NTAQ1: variants seen among roughly 807,000 people sequenced by gnomAD.
NTAQ1 encodes N-terminal glutamine amidase 1, also known as protein N-terminal glutamine amidohydrolase.
A neutral mutation model predicts 28.2 loss-of-function variants in NTAQ1; 21 were observed. That is an observed-to-expected ratio of 0.74 (90% confidence interval 0.53 to 1.07). NTAQ1 has a LOEUF of 1.07. NTAQ1 is among the 50% of genes least tolerant of loss of function. The probability of loss-of-function intolerance (pLI) is 0.00; values close to 1 mark genes in which losing one functional copy is unlikely to be tolerated. For synonymous variants in NTAQ1, 105 were observed against 90.0 expected (o/e 1.17, Z -0.94); for missense variants, 264 against 256.6 (o/e 1.03, Z -0.20).
chr8:123,417,532 G>C (rs942968653), intron 1 of NTAQ1, among the ~76,000 whole-genome samples: 1 of 152,120 alleles, frequency 6.6e-6, no homozygotes, highest in African/African-American at 2.4e-5. Context: ...TTTACAGTCA[G>C]GGTCTGGCCC....
At chr8:123,460,103 T>G (rs929875263) in intron 6 of NTAQ1, among the ~76,000 whole-genome samples, 3 of 152,110 alleles carry the variant, frequency 2.0e-5, no homozygotes, top group African/African-American at 7.2e-5. Context: ...CCCAGCCCAA[T>G]GTACGTGATT....
chr8:123,445,498 C>T (rs1028244111), downstream of NTAQ1, among the ~76,000 whole-genome samples: 5 of 150,016 alleles, frequency 3.3e-5, no homozygotes, highest in Middle Eastern at 6.8e-3. Context: ...TTTAACAGTC[C>T]TTTATAAGTT....
At chr8:123,447,332 A>G (rs1815328474) in intron 6 of NTAQ1, among the ~76,000 whole-genome samples, 1 of 143,364 alleles carries the variant, frequency 7.0e-6, no homozygotes, top group South Asian at 2.3e-4. Context: ...TATAATTAAT[A>G]TATGAACGTG....
At chr8:123,471,046 A>G (rs1816036257), downstream of NTAQ1, among the ~76,000 whole-genome samples, 1 of 151,302 alleles carries the variant, frequency 6.6e-6, no homozygotes, top group Non-Finnish European at 1.5e-5. Flanking sequence ...TCAGCCTCCC[A>G]AGTAGCTGGG....
chr8:123,429,719 AAAAAT>A (rs1814277327), intron 2 of NTAQ1, among the ~76,000 whole-genome samples: 1 of 152,036 alleles, frequency 6.6e-6, no homozygotes, highest in African/African-American at 2.4e-5. Flanking sequence ...ATCAAAAAAT[AAAAAT>A]AAAAAATTAG....
intron 1 of NTAQ1, among the ~76,000 whole-genome samples, chr8:123,419,116 T>A (rs1234196508): frequency 2.4e-5 from 2 of 82,616 alleles, no homozygotes; most frequent in African/African-American, 4.6e-5. Context: ...TTTTTTTTTT[T>A]GAGACAGAGT....
chr8:123,438,088 G>A (rs886240460), intron 5 of NTAQ1: 11 of 687,046 alleles, frequency 1.6e-5, no homozygotes, highest in Middle Eastern at 2.3e-4. Flanking sequence ...GGAGGTGAGC[G>A]CTAGCAGGTT....
At chr8:123,421,321 C>G (rs1813676781) in intron 1 of NTAQ1, among the ~76,000 whole-genome samples, 1 of 152,034 alleles carries the variant, frequency 6.6e-6, no homozygotes, top group African/African-American at 2.4e-5. Context: ...CTCAAGCAGT[C>G]TTCCTGCCTT....
At chr8:123,456,953 A>G (rs1815666614) in intron 6 of NTAQ1, among the ~76,000 whole-genome samples, 1 of 152,220 alleles carries the variant, frequency 6.6e-6, no homozygotes, top group African/African-American at 2.4e-5. Context: ...CTGTGGGCAT[A>G]ACAACAGGAA....
At chr8:123,470,670 A>G (rs928250288), downstream of NTAQ1, among the ~76,000 whole-genome samples, 3 of 152,188 alleles carry the variant, frequency 2.0e-5, no homozygotes, top group Non-Finnish European at 2.9e-5. Flanking sequence ...TGCTTTTTAA[A>G]CACCCAGTTG....
At chr8:123,450,288 C>T (rs540153171), downstream of NTAQ1, among the ~76,000 whole-genome samples, 1 of 151,752 alleles carries the variant, frequency 6.6e-6, no homozygotes, top group Non-Finnish European at 1.5e-5. Context: ...AAGTTGAGGA[C>T]TGGGATGACC....
Position 123,427,825 on chromosome 8 carries a change from T to A in NTAQ1, c.84-99T>A, listed in dbSNP as rs1814154790. On this transcript the variant is annotated intron_variant, in intron 1 of 5. Coordinates refer to ENST00000287387, the MANE Select transcript of NTAQ1 (RefSeq NM_018024.3). The stretch of plus-strand genomic sequence containing the variant: ...TTGTTGGATGACATGGGGTTTAAGG[T>A]CTTTTCCAACTTTTTGATGTCATCA... The A allele has an allele frequency of 3.1e-6, 3 of 970,588 alleles. No homozygotes were observed. The Admixed American group carries it at 6.7e-5, about 22-fold the overall frequency. The allele number at this position is 970,588 out of a possible 1,614,324, so 60.1% of individuals were successfully genotyped here.
intron 3 of NTAQ1, among the ~76,000 whole-genome samples, chr8:123,432,653 T>A (rs1284288528): frequency 6.8e-6 from 1 of 146,880 alleles, no homozygotes; most frequent in African/African-American, 2.5e-5. Flanking sequence ...AAATCATTCC[T>A]ATAATAATTT....
chr8:123,444,098 G>T (rs1815180805), downstream of NTAQ1, among the ~76,000 whole-genome samples: 1 of 150,536 alleles, frequency 6.6e-6, no homozygotes, highest in Non-Finnish European at 1.5e-5. Flanking sequence ...TTTCTTTTGA[G>T]GTCAGATTTC....
chr8:123,438,378 G>C (rs1014448586), intron 5 of NTAQ1: 7 of 521,884 alleles, frequency 1.3e-5, no homozygotes, highest in Non-Finnish European at 2.1e-5. Context: ...ACAAGGGTCT[G>C]AGCGTGGTGG....
chr8:123,436,672 T>C, intron 4 of NTAQ1, 71 bp downstream of exon 4: 1 of 1,516,956 alleles, frequency 6.6e-7, no homozygotes, highest in Non-Finnish European at 8.9e-7. Context: ...AGGTTCTTTT[T>C]TTTTTTGACA....
chr8:123,422,128 A>T (rs1476565403), intron 1 of NTAQ1, among the ~76,000 whole-genome samples: 1 of 151,856 alleles, frequency 6.6e-6, no homozygotes, highest in Non-Finnish European at 1.5e-5. Flanking sequence ...TTTTGAGAAG[A>T]AGTATCTGTT....
In NTAQ1 at chr8:123,416,935, G is replaced by T; in HGVS notation, c.83+3G>T. The T allele has an allele frequency of 2.7e-6, 4 of 1,491,312 alleles. No homozygotes were observed. Among genetic ancestry groups the T allele is most frequent in the Non-Finnish European group, 3.6e-6 (4 of 1,119,124 alleles). The allele number at this position is 1,491,312 out of a possible 1,614,324, so 92.4% of individuals were successfully genotyped here. Reference sequence around the variant, plus strand: ...TGCGTCTACAGCAGCTGCTACTGGTGAGGGGGCGCGGGCGCAGCCTCTGGG... The same window carrying T: ...TGCGTCTACAGCAGCTGCTACTGGTTAGGGGGCGCGGGCGCAGCCTCTGGG... On this transcript the variant is annotated splice_donor_region_variant and intron_variant, in intron 1 of 5. Transcript: ENST00000287387.
chr8:123,454,379 T>TTTGTC, intron 6 of NTAQ1, among the ~76,000 whole-genome samples: 1 of 152,250 alleles, frequency 6.6e-6, no homozygotes, highest in South Asian at 2.1e-4. Context: ...TTTGTTTTGT[T>TTTGTC]TTTTTTGAGA....
Sources: allele counts gnomAD v4.1 joint callset (sites outside exome capture counted in the v4.1 genomes callset), GRCh38; gene constraint gnomAD v4.1.1; transcripts MANE v1.5; gene names NCBI Gene and HGNC (gene_info 2026-07-23, HGNC 2026-07-21).